The following MAPKBP1 variants were observed in gnomAD, a reference collection of about 807,000 sequenced individuals.
MAPKBP1 encodes mitogen-activated protein kinase-binding protein 1.
MAPKBP1 carries 71 observed loss-of-function variants against 170.5 expected under a neutral mutation model. The observed-to-expected ratio is 0.42, with a 90% confidence interval of 0.34 to 0.51. The LOEUF (loss-of-function observed/expected upper bound fraction) is 0.51, where lower values mean the gene tolerates loss of function less well. MAPKBP1 is among the 20% of genes least tolerant of loss of function. MAPKBP1 has a pLI of 0.06. For synonymous variants in MAPKBP1, 719 were observed against 757.9 expected (o/e 0.95, Z 0.84); for missense variants, 1,598 against 1,933.0 (o/e 0.83, Z 3.25).
rs79939641 is a variant in MAPKBP1, at chr15:41,816,101, G to A, written c.1493+302G>A. Among the ~76,000 whole-genome samples the A allele has an allele frequency of 4.6e-3, 694 of 152,202 alleles. 5 individuals are homozygous for A. The highest frequency in any genetic ancestry group is 0.015 in the African/African-American group (623 of 41,528). ...TCAATATAGGCGTGAGAAAACATCC[G>A]ACAAACTCACATTGAGGTACATACC... On this transcript the variant is annotated intron_variant, in intron 12 of 30. Coordinates refer to ENST00000457542, the MANE Select transcript of MAPKBP1 (RefSeq NM_014994.3).
rs2064076055 is a variant in MAPKBP1 at position 41,775,166 on chromosome 15, G to C, written c.-109-1G>C. On this transcript the variant is annotated splice_acceptor_variant, in intron 1 of 30. Transcript: ENST00000457542. LOFTEE classifies it low-confidence loss of function (5UTR_SPLICE). ...TACTAAGGTGGCTTCTGCCATCTCA[G>C]GTCAGTGAGAGGGCATACTGGGAAG... 5 of 778,774 alleles carry C rather than the reference G, an allele frequency of 6.4e-6. No homozygotes were observed. The East Asian group carries it at 1.3e-4, about 20-fold the overall frequency. 48.2% of individuals were successfully genotyped at this position (778,774 alleles called of 1,614,324 possible).
chr15:41,775,011 TCGTGAGCC>T, intron 1 of MAPKBP1, 148 bp from the exon 2 acceptor site: 1 of 458,526 alleles, frequency 2.2e-6, no homozygotes, highest in Non-Finnish European at 3.8e-6. Flanking sequence ...CCCCCCTTTT[TCGTGAGCC>T]TTTCCTTCCG....
In MAPKBP1 at chr15:41,819,648, C is replaced by T. The variant is rs144329674; in HGVS notation, c.2479C>T (p.Arg827Trp). The T allele has an allele frequency of 2.2e-3, 3,539 of 1,608,964 alleles. 9 individuals are homozygous for T. Among genetic ancestry groups the T allele is most frequent in the Non-Finnish European group, 2.8e-3 (3,294 of 1,177,210 alleles). ...PRSLSHWEMS[R>W]AQESVGFLDP... ...AAGCCTGTCCCACTGGGAGATGAGT[C>T]GGGTGAGTCGCCATTGTTAAAATGT... Residue 827 changes from arginine to tryptophan, a missense_variant and splice_region_variant, in exon 22 of 31, where the codon CGG becomes TGG. Arg to Trp is a moderately radical substitution (Grantham distance 101). Coordinates refer to ENST00000457542, the MANE Select transcript of MAPKBP1 (RefSeq NM_014994.3).
At chr15:41,798,844 C>T (rs2064543029) in intron 2 of MAPKBP1, among the ~76,000 whole-genome samples, 1 of 152,184 alleles carries the variant, frequency 6.6e-6, no homozygotes, top group African/African-American at 2.4e-5. Context: ...TCTGAAGCCC[C>T]ACTCTCTGAG....
chr15:41,799,246 G>A (rs1266106453), intron 2 of MAPKBP1, among the ~76,000 whole-genome samples: 1 of 152,144 alleles, frequency 6.6e-6, no homozygotes, highest in Non-Finnish European at 1.5e-5. Context: ...ATTAAGCCCT[G>A]TTTCTGCCTC....
At chr15:41,813,398 C>T in intron 8 of MAPKBP1, 3 of 1,513,784 alleles carry the variant, frequency 2.0e-6, no homozygotes, top group Non-Finnish European at 1.8e-6. Flanking sequence ...TCTTTCTCTT[C>T]ACTGGGCTTT....
rs556513252 is a variant in MAPKBP1, at chr15:41,785,663, G to A, written c.114+10274G>A. Among the ~76,000 whole-genome samples, 17 of 152,046 alleles carry A rather than the reference G, an allele frequency of 1.1e-4. No individual in the cohort carries two copies. The South Asian group carries it at 2.9e-3, about 26-fold the overall frequency. On this transcript the variant is annotated intron_variant, in intron 2 of 30. Transcript: ENST00000457542. Reference sequence around the variant, plus strand: ...GTGACGTGTGTTAATTAAATAACCCGTTATTTAAGTTTCTAATGTTGTGAC... The same window carrying A: ...GTGACGTGTGTTAATTAAATAACCCATTATTTAAGTTTCTAATGTTGTGAC...
intron 2 of MAPKBP1, among the ~76,000 whole-genome samples, chr15:41,787,083 C>G (rs1242677716): frequency 2.0e-5 from 3 of 151,088 alleles, no homozygotes; most frequent in African/African-American, 7.3e-5. Flanking sequence ...CTAGGCCTCT[C>G]AAAGTAGATT....
chr15:41,817,282 G>A lies in MAPKBP1; in HGVS notation c.1712-106G>A. 1 of 1,321,632 alleles carries A rather than the reference G, an allele frequency of 7.6e-7. No homozygotes were observed. The highest frequency in any genetic ancestry group is 1.1e-6 in the Non-Finnish European group (1 of 921,002). The allele number at this position is 1,321,632 out of a possible 1,614,324, so 81.9% of individuals were successfully genotyped here. A position where few individuals can be genotyped will look rare whatever the true frequency, so the allele number is the denominator to read the frequency against. Reference sequence around the variant, plus strand: ...AGGTTTAATTTAGTTGGTTTTCCCTGGCATGTAGAGTAGCTTGATGGGGGA... The same window carrying A: ...AGGTTTAATTTAGTTGGTTTTCCCTAGCATGTAGAGTAGCTTGATGGGGGA... On this transcript the variant is annotated intron_variant, in intron 14 of 30. Coordinates refer to ENST00000457542, the MANE Select transcript of MAPKBP1 (RefSeq NM_014994.3). This position sits in a 1 kb window ranked among gnomAD's most constrained non-coding sequence, Gnocchi z 4.2.
Position 41,823,033 on chromosome 15 carries a change from A to T in MAPKBP1, c.3409A>T (p.Asn1137Tyr), listed in dbSNP as rs376901093. ...SGEQPRGNGA[N>Y]PPGAPPEVEP... is the part of the protein sequence containing the mutation. ...TGAGCAGCCGAGAGGCAATGGTGCCAATCCCCCTGGAGCACCCCCGGAGGT... is the reference window on the plus strand; with the variant it reads ...TGAGCAGCCGAGAGGCAATGGTGCCTATCCCCCTGGAGCACCCCCGGAGGT... Residue 1137 changes from asparagine (N) to tyrosine (Y), a missense_variant, in exon 28 of 31, where the codon AAT becomes TAT. Coordinates refer to ENST00000457542, the MANE Select transcript of MAPKBP1 (RefSeq NM_014994.3). 6.2e-7 allele frequency: 1 copy of T among 1,613,878 alleles called. No homozygotes were observed. The highest frequency in any genetic ancestry group is 1.3e-5 in the African/African-American group (1 of 74,892).
At chr15:41,785,069 T>G (rs1248924865) in intron 2 of MAPKBP1, among the ~76,000 whole-genome samples, 2 of 152,210 alleles carry the variant, frequency 1.3e-5, no homozygotes, top group Non-Finnish European at 2.9e-5. Flanking sequence ...GAAAACACAT[T>G]GTAAGTTTTA....
At chr15:41,775,527 A>G in intron 2 of MAPKBP1, 138 bp downstream of exon 2, 3 of 674,302 alleles carry the variant, frequency 4.4e-6, no homozygotes, top group Non-Finnish European at 5.1e-6. Context: ...CTCTGCAGGC[A>G]ATGATTTGGT....
chr15:41,824,007 A>G lies in MAPKBP1; in HGVS notation c.4159A>G (p.Thr1387Ala), dbSNP rs770279468. Residue 1387 changes from threonine to alanine, a missense_variant, in exon 29 of 31, where the codon ACT becomes GCT. This residue lies in a region of MAPKBP1 where 942 missense variants were observed against 953.2 expected (regional missense o/e 0.99). Coordinates refer to ENST00000457542, the MANE Select transcript of MAPKBP1 (RefSeq NM_014994.3). ...ENLQPPPPEK[T>A]PNPMECTKPG... ...CTTGCAGCCCCCACCCCCTGAGAAG[A>G]CTCCCAACCCCATGGAATGCACCAA... is the stretch of plus-strand genomic sequence containing the variant. The G allele has an allele frequency of 6.2e-7, 1 of 1,611,408 alleles. No individual in the cohort carries two copies. The highest frequency in any genetic ancestry group is 1.1e-5 in the South Asian group (1 of 91,006).
In MAPKBP1 at chr15:41,823,019, G is replaced by C; in HGVS notation, c.3395G>C (p.Arg1132Thr). 1 of 1,614,014 alleles carries C rather than the reference G, an allele frequency of 6.2e-7. No homozygotes were observed. The highest frequency in any genetic ancestry group is 1.1e-5 in the South Asian group (1 of 91,072). The change falls in exon 28 of 31, where the codon AGA becomes ACA. Residue 1132 changes from arginine to threonine, a missense_variant. Around this residue, in one of 6 missense-constraint regions of MAPKBP1, gnomAD observed 942 missense variants for 953.2 expected, o/e 0.99. Transcript: ENST00000457542. ...QVPQASGEQP[R>T]GNGANPPGAP... ...CCACAGGCATCTGGTGAGCAGCCGAGAGGCAATGGTGCCAATCCCCCTGGA... is the reference window on the plus strand; with the variant it reads ...CCACAGGCATCTGGTGAGCAGCCGACAGGCAATGGTGCCAATCCCCCTGGA...
chr15:41,815,904 C>T, intron 12 of MAPKBP1, 105 bp downstream of exon 12: 1 of 1,171,822 alleles, frequency 8.5e-7, no homozygotes, highest in Non-Finnish European at 1.2e-6. Flanking sequence ...CAACAAGATA[C>T]TTATTTACAA....
chr15:41,824,348 G>T, intron 29 of MAPKBP1, 136 bp from the exon 30 acceptor site: 1 of 856,354 alleles, frequency 1.2e-6, no homozygotes, highest in African/African-American at 1.7e-5. Flanking sequence ...TGGAAGAGAA[G>T]CCAAGAGGAA....
intron 2 of MAPKBP1, among the ~76,000 whole-genome samples, chr15:41,779,899 A>G (rs1031132858): frequency 5.3e-5 from 8 of 152,226 alleles, no homozygotes; most frequent in African/African-American, 1.7e-4. Context: ...AACAGGTGGT[A>G]TACAATGAAA....
chr15:41,802,857 A>C (rs1207405322), intron 3 of MAPKBP1, among the ~76,000 whole-genome samples: 1 of 152,206 alleles, frequency 6.6e-6, no homozygotes, highest in Non-Finnish European at 1.5e-5. Flanking sequence ...CAAAGACACA[A>C]ACACACACAT....
In MAPKBP1 at chr15:41,817,749, C is replaced by T. The variant is rs763419025; in HGVS notation, c.1904+14C>T. 1 of 1,610,090 alleles carries T rather than the reference C, an allele frequency of 6.2e-7. No individual in the cohort carries two copies. Among genetic ancestry groups the T allele is most frequent in the South Asian group, 1.1e-5 (1 of 90,538 alleles). The stretch of plus-strand genomic sequence containing the variant: ...CCGAAATATTCGGTGGGCGTCCCCT[C>T]CTCAGACTCTGCCCACATTCCTTCA... On this transcript the variant is annotated intron_variant, in intron 16 of 30. Transcript: ENST00000457542. This position sits in a 1 kb window ranked among gnomAD's most constrained non-coding sequence, Gnocchi z 4.2.
Sources: allele counts gnomAD v4.1 joint callset (sites outside exome capture counted in the v4.1 genomes callset), GRCh38; gene constraint gnomAD v4.1.1; regional missense constraint gnomAD v4.1.1; non-coding constraint Gnocchi (gnomAD v3.1); transcripts MANE v1.5; gene names NCBI Gene and HGNC (gene_info 2026-07-23, HGNC 2026-07-21).